Variants in SEMA4D observed in about 807,000 individuals in gnomAD.
SEMA4D encodes semaphorin 4D, also known as semaphorin-4D.
A neutral mutation model predicts 74.8 loss-of-function variants in SEMA4D; 22 were observed. The ratio of observed to expected loss-of-function variants is 0.29; its 90% CI spans 0.21 to 0.42. The LOEUF (loss-of-function observed/expected upper bound fraction) is 0.42. Among genes scored for constraint, SEMA4D ranks in the 10% least tolerant of loss-of-function variants. The pLI is 1.00. For synonymous variants in SEMA4D, 445 were observed against 463.7 expected, an observed-to-expected ratio of 0.96 and a Z score of 0.52; for missense variants, 937 against 1,118.4, an observed-to-expected ratio of 0.84 and a Z score of 2.31.
intron 2 of SEMA4D, among the ~76,000 whole-genome samples, chr9:89,435,587 G>A (rs148352818): frequency 7.2e-5 from 11 of 152,196 alleles, no homozygotes; most frequent in Non-Finnish European, 1.3e-4. Flanking sequence ...ACACAGTGCC[G>A]GGCATGTACT....
At chr9:89,464,711 G>T (rs1376269593) in intron 1 of SEMA4D, among the ~76,000 whole-genome samples, 1 of 152,182 alleles carries the variant, frequency 6.6e-6, no homozygotes, top group Non-Finnish European at 1.5e-5. Flanking sequence ...CATCAGAGAG[G>T]TGAGTGCTAG....
chr9:89,391,983 C>T (rs892341332), intron 8 of SEMA4D, among the ~76,000 whole-genome samples: 13 of 152,222 alleles, frequency 8.5e-5, no homozygotes, highest in Non-Finnish European at 1.5e-4. Flanking sequence ...AGACGGACAT[C>T]GGACATGTGC....
exon 19 of SEMA4D, chr9:89,362,009 G>T: frequency 3.0e-6 from 1 of 333,224 alleles, no homozygotes; most frequent in Non-Finnish European, 5.7e-6. Flanking sequence ...CTGTCAAGGG[G>T]AGTCACTGGG....
At chr9:89,402,791 C>G in intron 4 of SEMA4D, 80 bp downstream of exon 4, 1 of 1,500,660 alleles carries the variant, frequency 6.7e-7, no homozygotes, top group Non-Finnish European at 9.1e-7. Flanking sequence ...GTAAGTCAGC[C>G]CCCAGCCCCA....
intron 2 of SEMA4D, chr9:89,449,634 G>A (rs79103731): frequency 1.9e-5 from 25 of 1,320,178 alleles, no homozygotes; most frequent in Non-Finnish European, 2.1e-5. Flanking sequence ...ATGGGGGGGT[G>A]ACATTGCCAA....
chr9:89,405,933 G>T lies in SEMA4D; in HGVS notation c.-243-234C>A, dbSNP rs578032420. 1.5e-5 allele frequency: 17 copies of T among 1,172,416 alleles called. No homozygotes were observed. The African/African-American group carries it at 2.2e-4, about 15-fold the overall frequency. The allele number at this position is 1,172,416 out of a possible 1,614,324, so 72.6% of individuals were successfully genotyped here. On this transcript the variant is annotated intron_variant, in intron 2 of 15. Transcript: ENST00000422704. Reference sequence around the variant, plus strand: ...TCCCGCTCCTCCAGCTACCAGCCCAGAACACAGGACAGACACATGGAGAGG... The same window carrying T: ...TCCCGCTCCTCCAGCTACCAGCCCATAACACAGGACAGACACATGGAGAGG...
rs138756131 is a variant in SEMA4D at position 89,417,969 on chromosome 9, C to A, written c.-243-12270G>T. The A allele has an allele frequency of 1.2e-3, 559 of 461,752 alleles. 2 individuals are homozygous for A. The highest frequency in any genetic ancestry group is 1.5e-3 in the Non-Finnish European group (531 of 351,396). The allele number at this position is 461,752 out of a possible 1,614,324, so 28.6% of individuals were successfully genotyped here. On this transcript the variant is annotated intron_variant, in intron 2 of 15. Transcript: ENST00000422704. Reference sequence around the variant, plus strand: ...ATCAGGGACCAAGGGACCAAGCAACCAACCACCTGCCAGATCCAACTGAGG... The same window carrying A: ...ATCAGGGACCAAGGGACCAAGCAACAAACCACCTGCCAGATCCAACTGAGG...
chr9:89,368,623 C>T (rs544355650), intron 16 of SEMA4D: 15 of 152,340 alleles, frequency 9.8e-5, no homozygotes, highest in African/African-American at 2.6e-4. Flanking sequence ...GAGTGAGACC[C>T]CTGCCACATA....
At chr9:89,490,975 A>G in intron 1 of SEMA4D, among the ~76,000 whole-genome samples, 1 of 152,260 alleles carries the variant, frequency 6.6e-6, no homozygotes, top group East Asian at 1.9e-4. Flanking sequence ...CTTGACCTGC[A>G]GGCCCAAGCT....
intron 1 of SEMA4D, among the ~76,000 whole-genome samples, chr9:89,496,331 T>A (rs1190940487): frequency 1.3e-5 from 2 of 152,168 alleles, no homozygotes; most frequent in African/African-American, 4.8e-5. Flanking sequence ...ATCCCCACGG[T>A]GGCCTTTTGC....
Position 89,378,659 on chromosome 9 carries a change from TG to T in SEMA4D, c.*44del. 1 of 1,486,528 alleles carries T rather than the reference TG, an allele frequency of 6.7e-7. No homozygotes were observed. The highest frequency in any genetic ancestry group is 1.2e-5 in the South Asian group (1 of 86,570). 92.1% of individuals were successfully genotyped at this position (1,486,528 alleles called of 1,614,324 possible). A position where few individuals can be genotyped will look rare whatever the true frequency, so the allele number is the denominator to read the frequency against. ...GGAGAAACACAAAACTCTCCACGCC[TG>T]GACACGTCGCAGCCGAGGCACCAGC... On this transcript the variant is annotated 3_prime_UTR_variant, in exon 16 of 16. Coordinates refer to ENST00000422704, the MANE Select transcript of SEMA4D (RefSeq NM_001371194.2).
At chr9:89,477,689 G>C (rs1862118943) in intron 1 of SEMA4D, among the ~76,000 whole-genome samples, 1 of 152,162 alleles carries the variant, frequency 6.6e-6, no homozygotes, top group Non-Finnish European at 1.5e-5. Flanking sequence ...AAATCGCAGA[G>C]AAAAAAATTC....
chr9:89,487,145 T>A (rs1825258818), intron 1 of SEMA4D, among the ~76,000 whole-genome samples: 2 of 148,712 alleles, frequency 1.3e-5, no homozygotes, highest in South Asian at 4.2e-4. Flanking sequence ...AATATATAAA[T>A]ATATATATAT....
chr9:89,458,175 G>A (rs1208341901), intron 1 of SEMA4D, among the ~76,000 whole-genome samples: 2 of 152,228 alleles, frequency 1.3e-5, no homozygotes, highest in Non-Finnish European at 2.9e-5. Context: ...CCTTACGTAT[G>A]CATGTGAGTG....
chr9:89,361,667 C>G (rs1387808018), exon 19 of SEMA4D: 1 of 152,210 alleles, frequency 6.6e-6, no homozygotes, highest in Non-Finnish European at 1.5e-5. Flanking sequence ...CTTTCTGCAT[C>G]AAGTTTGGTG....
chr9:89,422,137 G>A (rs1221088090), intron 2 of SEMA4D, among the ~76,000 whole-genome samples: 3 of 152,224 alleles, frequency 2.0e-5, no homozygotes, highest in Non-Finnish European at 2.9e-5. Context: ...TAAGATCCCA[G>A]CTCGGGTGTC....
At chr9:89,387,842 T>C (rs543536353) in intron 11 of SEMA4D, among the ~76,000 whole-genome samples, 1 of 152,356 alleles carries the variant, frequency 6.6e-6, no homozygotes, top group South Asian at 2.1e-4. Context: ...TCACGATACA[T>C]ACTCAGGGAA....
chr9:89,442,574 T>TC (rs1261250339), intron 2 of SEMA4D, among the ~76,000 whole-genome samples: 1 of 152,152 alleles, frequency 6.6e-6, no homozygotes, highest in Non-Finnish European at 1.5e-5. Context: ...GCCGGGGTCC[T>TC]CTTCCTCTAC....
chr9:89,382,080 C>T (rs1837229674), intron 13 of SEMA4D, among the ~76,000 whole-genome samples: 1 of 152,196 alleles, frequency 6.6e-6, no homozygotes, highest in Non-Finnish European at 1.5e-5. Context: ...ACACTTGGTT[C>T]CCAGTGACAC....
Sources: allele counts gnomAD v4.1 joint callset (sites outside exome capture counted in the v4.1 genomes callset), GRCh38; gene constraint gnomAD v4.1.1; transcripts MANE v1.5; gene names NCBI Gene and HGNC (gene_info 2026-07-23, HGNC 2026-07-21).